CNTNAP2: variants seen among roughly 807,000 people sequenced by gnomAD.
CNTNAP2 encodes contactin-associated protein-like 2.
In CNTNAP2, 98 loss-of-function variants were observed where a neutral mutation model predicts 155.2. The observed-to-expected ratio is 0.63, with a 90% CI of 0.54 to 0.75. The LOEUF (loss-of-function observed/expected upper bound fraction) is 0.75, where lower values mean the gene tolerates loss of function less well. Among genes scored for constraint, CNTNAP2 ranks in the 30% least tolerant of loss-of-function variants. CNTNAP2 has a pLI of 0.00. For synonymous variants in CNTNAP2, 651 were observed against 631.2 expected, an observed-to-expected ratio of 1.03 and a Z score of -0.47; for missense variants, 1,727 against 1,688.1, an observed-to-expected ratio of 1.02 and a Z score of -0.40.
chr7:147,562,846 G>T (rs1451567995), intron 12 of CNTNAP2, among the ~76,000 whole-genome samples: 2 of 152,304 alleles, frequency 1.3e-5, no homozygotes, highest in African/African-American at 2.4e-5. Flanking sequence ...AAAATGTGCA[G>T]ATCTCTAAGA....
At chr7:148,413,401 A>AAAAAAAAAAAAAATATAT (rs1442990213) in intron 23 of CNTNAP2, among the ~76,000 whole-genome samples, 5 of 45,366 alleles carry the variant, frequency 1.1e-4, no homozygotes, top group African/African-American at 2.5e-4. Context: ...TCAAAAAAAA[A>AAAAAAAAAAAAAATATAT]ATATATATAT....
intron 3 of CNTNAP2, among the ~76,000 whole-genome samples, chr7:147,034,985 G>GC (rs67853254): frequency 0.68 from 79,264 of 116,642 alleles, 21,070 homozygotes; most frequent in Admixed American, 0.75. Flanking sequence ...CCAGGGTGGA[G>GC]CCCCACCAGG....
chr7:147,032,285 A>T (rs1309576036), intron 3 of CNTNAP2, among the ~76,000 whole-genome samples: 1 of 152,260 alleles, frequency 6.6e-6, no homozygotes, highest in Admixed American at 6.5e-5. Flanking sequence ...TTTCAGAATG[A>T]GCATCAAGTA....
chr7:146,239,856 T>A (rs1257665590), intron 1 of CNTNAP2, among the ~76,000 whole-genome samples: 5 of 152,128 alleles, frequency 3.3e-5, no homozygotes, highest in Non-Finnish European at 7.4e-5. Flanking sequence ...ATGCAACACA[T>A]CTGAGGGAAA....
intron 12 of CNTNAP2, among the ~76,000 whole-genome samples, chr7:147,562,920 G>T (rs1392023836): frequency 6.6e-6 from 1 of 152,184 alleles, no homozygotes; most frequent in Non-Finnish European, 1.5e-5. Flanking sequence ...AGAGGAAGGT[G>T]TGAGGTATGC....
intron 8 of CNTNAP2, among the ~76,000 whole-genome samples, chr7:147,290,254 A>C (rs1204381258): frequency 6.6e-6 from 1 of 152,202 alleles, no homozygotes; most frequent in Non-Finnish European, 1.5e-5. Context: ...TTATGCCTGA[A>C]TCAAATTTAA....
intron 1 of CNTNAP2, among the ~76,000 whole-genome samples, chr7:146,547,551 G>T (rs1213493461): frequency 6.6e-6 from 1 of 151,784 alleles, no homozygotes; most frequent in Non-Finnish European, 1.5e-5. Context: ...GCTATTTTAG[G>T]TACCTCCTCC....
At chr7:146,667,449 G>A (rs73166350) in intron 1 of CNTNAP2, among the ~76,000 whole-genome samples, 8,748 of 151,888 alleles carry the variant, frequency 0.058, 494 homozygotes, top group African/African-American at 0.14. Context: ...GGATTTATTT[G>A]GCTATTTGGG....
chr7:147,640,824 A>T (rs1795260795), intron 13 of CNTNAP2, among the ~76,000 whole-genome samples: 1 of 152,190 alleles, frequency 6.6e-6, no homozygotes, highest in African/African-American at 2.4e-5. Context: ...GTGTGGTGGT[A>T]AAGTGGCTGC....
intron 21 of CNTNAP2, among the ~76,000 whole-genome samples, chr7:148,348,042 T>G (rs1798358516): frequency 6.6e-6 from 1 of 152,218 alleles, no homozygotes; most frequent in African/African-American, 2.4e-5. Flanking sequence ...CTTTGGCTAG[T>G]TTTATCTGAA....
chr7:146,721,889 A>ATATATATATTTTTT lies in CNTNAP2; in HGVS notation c.98-52381_98-52380insATATATATTTTTTT. On this transcript the variant is annotated intron_variant, in intron 1 of 23. Coordinates refer to ENST00000361727, the MANE Select transcript of CNTNAP2 (RefSeq NM_014141.6). ...TGTGTGTGTGTGTATATATATATATATTTTTTTTTTTTTTTTTGAGATGGA... is the reference window on the plus strand; with the variant it reads ...TGTGTGTGTGTGTATATATATATATATATATATATTTTTTTTTTTTTTTTTTTTTTTGAGATGGA... Among the ~76,000 whole-genome samples, 81 of 69,694 alleles carry ATATATATATTTTTT rather than the reference A, an allele frequency of 1.2e-3. 13 individuals are homozygous for ATATATATATTTTTT. In the African/African-American group the frequency reaches 0.014, roughly 12 times the overall value. The allele number at this position is 69,694 out of a possible 152,430, so 45.7% of individuals were successfully genotyped here. A position where few individuals can be genotyped will look rare whatever the true frequency, so the allele number is the denominator to read the frequency against.
chr7:147,180,625 G>A (rs1004575742), intron 8 of CNTNAP2, among the ~76,000 whole-genome samples: 2 of 152,068 alleles, frequency 1.3e-5, no homozygotes, highest in African/African-American at 4.8e-5. Context: ...ACCTTAGTAA[G>A]AGCAGCCATT....
intron 8 of CNTNAP2, among the ~76,000 whole-genome samples, chr7:147,284,170 TC>T (rs1051304705): frequency 1.7e-3 from 262 of 151,886 alleles, no homozygotes; most frequent in African/African-American, 5.3e-3. Context: ...CGTGTTTTTT[TC>T]CCCCCAAATC....
intron 12 of CNTNAP2, among the ~76,000 whole-genome samples, chr7:147,611,185 CAGT>C (rs1584853859): frequency 6.6e-6 from 1 of 152,066 alleles, no homozygotes; most frequent in East Asian, 1.9e-4. Flanking sequence ...CAGGAATGGT[CAGT>C]CATGGATCCA....
chr7:147,441,850 TCCCTCC>T (rs1797644956), intron 10 of CNTNAP2, among the ~76,000 whole-genome samples: 1 of 72,508 alleles, frequency 1.4e-5, no homozygotes, highest in African/African-American at 4.8e-5. Context: ...TCTCTCTCTC[TCCCTCC>T]CTCCCTCCCT....
intron 1 of CNTNAP2, among the ~76,000 whole-genome samples, chr7:146,133,467 T>A (rs1421340503): frequency 6.6e-6 from 1 of 152,202 alleles, no homozygotes; most frequent in African/African-American, 2.4e-5. Context: ...CTTTTGGTGT[T>A]TTAGACATGA....
intron 11 of CNTNAP2, among the ~76,000 whole-genome samples, chr7:147,528,354 A>T (rs1257080885): frequency 6.6e-6 from 1 of 152,136 alleles, no homozygotes; most frequent in East Asian, 1.9e-4. Flanking sequence ...CGAAGGCCAC[A>T]TTGGTTGGTT....
intron 11 of CNTNAP2, chr7:147,496,537 T>A (rs1490333868): frequency 6.6e-6 from 1 of 152,242 alleles, no homozygotes; most frequent in African/African-American, 2.4e-5. Flanking sequence ...GCTTATAGTA[T>A]GATCTTAGGT....
intron 13 of CNTNAP2, among the ~76,000 whole-genome samples, chr7:147,680,378 G>A (rs993458190): frequency 6.6e-6 from 1 of 151,876 alleles, no homozygotes; most frequent in African/African-American, 2.4e-5. Flanking sequence ...GTTTTTCTTG[G>A]AGGTGGTAGT....
Sources: allele counts gnomAD v4.1 joint callset (sites outside exome capture counted in the v4.1 genomes callset), GRCh38; gene constraint gnomAD v4.1.1; transcripts MANE v1.5; gene names NCBI Gene and HGNC (gene_info 2026-07-23, HGNC 2026-07-21).